Variants in THSD7B observed in about 807,000 individuals in gnomAD.
The protein encoded by THSD7B is thrombospondin type-1 domain-containing protein 7B.
Under a neutral mutation model 213.6 loss-of-function variants are expected in THSD7B, and 138 were observed. The observed-to-expected ratio is 0.65, with a 90% confidence interval of 0.56 to 0.74. The LOEUF is 0.74. THSD7B is among the 30% of genes least tolerant of loss of function. The pLI, the probability that THSD7B is intolerant of heterozygous loss-of-function variation, is 0.00. For missense variants in THSD7B, 1,931 were observed against 1,991.5 expected, an observed-to-expected ratio of 0.97 and a Z score of 0.58; for synonymous variants, 742 against 687.0, an observed-to-expected ratio of 1.08 and a Z score of -1.25.
intron 5 of THSD7B, among the ~76,000 whole-genome samples, chr2:137,155,241 A>G (rs941924315): frequency 1.3e-5 from 2 of 152,116 alleles, no homozygotes; most frequent in Non-Finnish European, 2.9e-5. Flanking sequence ...TGTCTACCAA[A>G]CCTAAATAGC....
At chr2:137,586,698 G>A (rs1681737290) in intron 17 of THSD7B, among the ~76,000 whole-genome samples, 3 of 152,206 alleles carry the variant, frequency 2.0e-5, no homozygotes, top group Non-Finnish European at 4.4e-5. Context: ...TTTCTGCAGA[G>A]AGATCAGCTG....
At position 137,431,839 on chromosome 2, in the gene THSD7B, G is replaced by T. The variant is rs945405796; in HGVS notation, c.2960-19006G>T. Among the ~76,000 whole-genome samples, 7 of 152,146 alleles carry T rather than the reference G, an allele frequency of 4.6e-5. No homozygotes were observed. In the South Asian group the frequency reaches 8.3e-4, roughly 18 times the overall value. On this transcript the variant is annotated intron_variant, in intron 14 of 27. Transcript: ENST00000409968. ...TAATTTTAGATTTGGAATAGATAGA[G>T]CTTTTGGAATAGCTTATAGGTGATA...
chr2:136,879,813 A>G (rs1300896679), intron 1 of THSD7B, among the ~76,000 whole-genome samples: 1 of 152,182 alleles, frequency 6.6e-6, no homozygotes. Context: ...AGGGGTTGCA[A>G]TCCTAGTCTC....
chr2:137,271,636 G>A (rs933086625), intron 10 of THSD7B, among the ~76,000 whole-genome samples: 5 of 151,286 alleles, frequency 3.3e-5, no homozygotes, highest in Non-Finnish European at 5.9e-5. Context: ...ACCTAGCACC[G>A]TGTCACTCTC....
chr2:137,220,028 T>C (rs1681333183), intron 7 of THSD7B, among the ~76,000 whole-genome samples: 1 of 152,196 alleles, frequency 6.6e-6, no homozygotes. Context: ...GAATTCACTC[T>C]ATCCAAAATT....
At chr2:137,321,501 G>A (rs1684264478) in intron 12 of THSD7B, among the ~76,000 whole-genome samples, 1 of 152,140 alleles carries the variant, frequency 6.6e-6, no homozygotes, top group East Asian at 1.9e-4. Flanking sequence ...GGATAAGAAT[G>A]TCTTACCATG....
chr2:137,050,196 A>T (rs1382328269), intron 2 of THSD7B, among the ~76,000 whole-genome samples: 1 of 152,192 alleles, frequency 6.6e-6, no homozygotes, highest in Non-Finnish European at 1.5e-5. Flanking sequence ...TGTGAAATAT[A>T]TGAGGTTTGA....
Position 137,272,622 on chromosome 2 carries a change from G to A in THSD7B, c.2356G>A (p.Glu786Lys), listed in dbSNP as rs756861178. The change falls in exon 11 of 28, where the codon GAG becomes AAG. Residue 786 changes from glutamate (E) to lysine (K), a missense_variant. Physicochemically the swap from Glu to Lys is moderately conservative, Grantham distance 56. Coordinates refer to ENST00000409968, the MANE Select transcript of THSD7B (RefSeq NM_001316349.2). ...GQECPDTLYE[E>K]RECEDVSLCP... ...GGAATGCCCAGATACCTTATATGAGGAGAGAGAGTGTGAAGATGTTTCCTT... is the reference window on the plus strand; with the variant it reads ...GGAATGCCCAGATACCTTATATGAGAAGAGAGAGTGTGAAGATGTTTCCTT... 93 of 1,612,018 alleles carry A rather than the reference G, an allele frequency of 5.8e-5. No homozygotes were observed. The highest frequency in any genetic ancestry group is 7.6e-5 in the Non-Finnish European group (90 of 1,178,948).
At chr2:136,911,961 T>A (rs1387829181) in intron 2 of THSD7B, among the ~76,000 whole-genome samples, 1 of 152,108 alleles carries the variant, frequency 6.6e-6, no homozygotes, top group Non-Finnish European at 1.5e-5. Flanking sequence ...ATAGCAGGTC[T>A]GTGCATTACT....
intron 2 of THSD7B, among the ~76,000 whole-genome samples, chr2:136,965,767 C>G (rs1685303541): frequency 1.3e-5 from 2 of 152,000 alleles, no homozygotes; most frequent in African/African-American, 4.8e-5. Flanking sequence ...TCTTTTCCTC[C>G]TACCTCCAAA....
rs72971599 is a variant in THSD7B, at chr2:137,248,233, G to A, written c.2266+5661G>A. On this transcript the variant is annotated intron_variant, in intron 10 of 27. Coordinates refer to ENST00000409968, the MANE Select transcript of THSD7B (RefSeq NM_001316349.2). ...AAAGTTCCTTAAGGTCAGGGAGCTT[G>A]TATTATGTTGAGTTCCTGCAATTAT... 2.6e-3 allele frequency among the ~76,000 whole-genome samples: 401 copies of A among 152,268 alleles called. 5 individuals carry two copies. The highest frequency in any genetic ancestry group is 9.5e-3 in the African/African-American group (393 of 41,570).
intron 2 of THSD7B, among the ~76,000 whole-genome samples, chr2:136,950,823 G>A (rs1377584734): frequency 6.6e-6 from 1 of 152,194 alleles, no homozygotes; most frequent in Admixed American, 6.5e-5. Context: ...ACTGAAGAAA[G>A]ACTGTTGGCC....
intron 11 of THSD7B, among the ~76,000 whole-genome samples, chr2:137,275,492 G>A (rs559243437): frequency 1.1e-4 from 16 of 151,292 alleles, no homozygotes; most frequent in South Asian, 1.0e-3. Context: ...ATTCTCTAAC[G>A]CACCAGTGGG....
At chr2:137,039,891 G>A (rs1222635986) in intron 2 of THSD7B, among the ~76,000 whole-genome samples, 1 of 152,212 alleles carries the variant, frequency 6.6e-6, no homozygotes, top group Admixed American at 6.5e-5. Context: ...ACTGTGAGCA[G>A]AGCCTGCCTA....
At chr2:137,239,632 G>T (rs1399401028) in intron 9 of THSD7B, among the ~76,000 whole-genome samples, 1 of 152,102 alleles carries the variant, frequency 6.6e-6, no homozygotes, top group African/African-American at 2.4e-5. Flanking sequence ...TCTGTGATTT[G>T]CTCCCATGAA....
chr2:137,319,742 A>T (rs1200012585), intron 12 of THSD7B, among the ~76,000 whole-genome samples: 2 of 152,192 alleles, frequency 1.3e-5, no homozygotes, highest in Non-Finnish European at 2.9e-5. Flanking sequence ...ATTCCCTAAT[A>T]ACACAAACTT....
chr2:137,484,349 C>A (rs1457809135), intron 15 of THSD7B, among the ~76,000 whole-genome samples: 1 of 145,544 alleles, frequency 6.9e-6, no homozygotes, highest in Admixed American at 7.0e-5. Context: ...AGGACATGAA[C>A]TCATCCTTTT....
chr2:136,802,650 T>C (rs1334607878), intron 1 of THSD7B, among the ~76,000 whole-genome samples: 1 of 79,316 alleles, frequency 1.3e-5, no homozygotes, highest in Non-Finnish European at 2.3e-5. Context: ...TATATATATA[T>C]ATATATATAT....
intron 11 of THSD7B, among the ~76,000 whole-genome samples, chr2:137,275,290 T>G (rs1432160619): frequency 6.6e-6 from 1 of 152,064 alleles, no homozygotes; most frequent in Non-Finnish European, 1.5e-5. Flanking sequence ...ATAAGATAGT[T>G]CCATGGTGCC....
Sources: gnomAD v4.1 joint callset for allele counts (sites outside exome capture counted in the v4.1 genomes callset) on GRCh38, gnomAD v4.1.1 for gene constraint, MANE v1.5 for transcripts, NCBI Gene and HGNC (gene_info 2026-07-23, HGNC 2026-07-21) for gene names.